SLC22A5: variants seen among roughly 807,000 people sequenced by gnomAD.
SLC22A5 encodes the protein organic cation/carnitine transporter 2.
Under a neutral mutation model 56.7 loss-of-function variants are expected in SLC22A5, and 44 were observed. The ratio of observed to expected loss-of-function variants is 0.78; its 90% CI spans 0.61 to 1.00. The LOEUF (loss-of-function observed/expected upper bound fraction) is 1.00, where lower values mean the gene tolerates loss of function less well. Among genes scored for constraint, SLC22A5 ranks in the 50% least tolerant of loss-of-function variants. The pLI, the probability that SLC22A5 is intolerant of heterozygous loss-of-function variation, is 0.00. For missense variants in SLC22A5, 675 were observed against 723.0 expected, an observed-to-expected ratio of 0.93 and a Z score of 0.76; for synonymous variants, 278 against 292.1, an observed-to-expected ratio of 0.95 and a Z score of 0.49.
At position 132,392,437 on chromosome 5, in the gene SLC22A5, G is replaced by T. The variant is rs756815047; in HGVS notation, c.1272G>T (p.Leu424Phe). Residue 424 changes from leucine to phenylalanine, a missense_variant, in exon 8 of 10, where the codon TTG (leucine) becomes TTT (phenylalanine). Transcript: ENST00000245407. Reference protein sequence around the residue: ...LLFMQLVPPDLYYLATVLVMV... With the variant: ...LLFMQLVPPDFYYLATVLVMV... ...CTCTTTCCTTTGCTTCTCCAGACTT[G>T]TATTATTTGGCTACAGTCCTGGTGA... The T allele has an allele frequency of 1.9e-6, 3 of 1,614,134 alleles. No homozygotes were observed. The highest frequency in any genetic ancestry group is 4.5e-5 in the East Asian group (2 of 44,884).
chr5:132,394,456 C>A lies in SLC22A5; in HGVS notation c.*184C>A. The A allele has an allele frequency of 3.1e-6, 2 of 636,824 alleles. No individual in the cohort carries two copies. Among genetic ancestry groups the A allele is most frequent in the Non-Finnish European group, 5.7e-6 (2 of 353,318 alleles). The allele number at this position is 636,824 out of a possible 1,614,324, so 39.4% of individuals were successfully genotyped here. A position where few individuals can be genotyped will look rare whatever the true frequency, so the allele number is the denominator to read the frequency against. On this transcript the variant is annotated 3_prime_UTR_variant, in exon 10 of 10. Transcript: ENST00000245407. ...GCTACATATGGCCCTAGAGCACCACCTTCCTCTAGGGACACTGGGGCTACC... is the reference window on the plus strand; with the variant it reads ...GCTACATATGGCCCTAGAGCACCACATTCCTCTAGGGACACTGGGGCTACC...
chr5:132,391,514 A>G (rs992530112), intron 7 of SLC22A5, among the ~76,000 whole-genome samples: 1 of 152,220 alleles, frequency 6.6e-6, no homozygotes, highest in African/African-American at 2.4e-5. Context: ...ATAAAGTGAC[A>G]GAAAGCCCTG....
At chr5:132,384,422 C>T in intron 3 of SLC22A5, 121 bp downstream of exon 3, 1 of 1,052,752 alleles carries the variant, frequency 9.5e-7, no homozygotes. Context: ...ACAAAACTAG[C>T]CAGAGCTTCC....
At position 132,390,895 on chromosome 5, in the gene SLC22A5, G is replaced by C. The variant is rs535222699; in HGVS notation, c.1258G>C (p.Val420Leu). 1.1e-5 allele frequency: 17 copies of C among 1,613,656 alleles called. No homozygotes were observed. The highest frequency in any genetic ancestry group is 1.7e-5 in the Admixed American group (1 of 59,986). ...GGSVLLFMQL[V>L]PPDLYYLATV... ...CAGTGTCCTTCTCTTCATGCAGCTG[G>C]TACCCCCAGGTAGGGACCATGTGCA... Residue 420 changes from valine to leucine, a missense_variant, in exon 7 of 10, where the codon GTA (valine) becomes CTA (leucine). By Grantham distance (32) the Val-to-Leu change is conservative (BLOSUM62 1). Coordinates refer to ENST00000245407, the MANE Select transcript of SLC22A5 (RefSeq NM_003060.4).
Position 132,378,546 on chromosome 5 carries a change from C to T in SLC22A5, c.497+65C>T. 4.2e-6 allele frequency: 5 copies of T among 1,187,526 alleles called. No individual in the cohort carries two copies. The South Asian group carries it at 4.8e-5, about 12-fold the overall frequency. The allele number at this position is 1,187,526 out of a possible 1,614,324, so 73.6% of individuals were successfully genotyped here. On this transcript the variant is annotated intron_variant, in intron 2 of 9. Transcript: ENST00000245407. ...ACTGAGGAAGAAGCGTGTGCCTGGCCCTTGATTTCAGTTGGTAGTATTCTT... is the reference window on the plus strand; with the variant it reads ...ACTGAGGAAGAAGCGTGTGCCTGGCTCTTGATTTCAGTTGGTAGTATTCTT...
At chr5:132,377,379 G>C (rs1381148366) in intron 1 of SLC22A5, 1 of 152,224 alleles carries the variant, frequency 6.6e-6, no homozygotes, top group Non-Finnish European at 1.5e-5. Flanking sequence ...GCAAGGGTCT[G>C]AGTTCCTAGG....
chr5:132,387,225 G>GTCC (rs1490079350), intron 5 of SLC22A5, 74 bp downstream of exon 5: 2 of 1,578,000 alleles, frequency 1.3e-6, no homozygotes, highest in Admixed American at 1.7e-5. Context: ...CAGCCCTGAA[G>GTCC]TCCTCCCTGC....
intron 2 of SLC22A5, chr5:132,379,198 T>C (rs1752258928): frequency 6.5e-6 from 1 of 153,988 alleles, no homozygotes; most frequent in Non-Finnish European, 1.4e-5. Flanking sequence ...GAGAGGTCCG[T>C]AGCTTTCATG....
intron 2 of SLC22A5, chr5:132,382,997 A>C (rs1307390397): frequency 1.3e-5 from 2 of 152,200 alleles, no homozygotes; most frequent in African/African-American, 4.8e-5. Flanking sequence ...AATAAACCCA[A>C]TTTTAAAAAC....
intron 1 of SLC22A5, 114 bp downstream of exon 1, chr5:132,370,479 C>G (rs1055895592): frequency 9.7e-6 from 12 of 1,234,742 alleles, no homozygotes; most frequent in African/African-American, 3.0e-5. Flanking sequence ...TCCCCCTCCC[C>G]CAACGGTCAA....
chr5:132,372,834 G>T (rs531803779), intron 1 of SLC22A5, among the ~76,000 whole-genome samples: 1 of 152,220 alleles, frequency 6.6e-6, no homozygotes, highest in East Asian at 1.9e-4. Context: ...CCCAAACCTG[G>T]CCTGCTGACC....
chr5:132,385,661 CA>C (rs776202745), intron 4 of SLC22A5, among the ~76,000 whole-genome samples, 162 bp downstream of exon 4: 38 of 152,216 alleles, frequency 2.5e-4, no homozygotes, highest in South Asian at 8.3e-4. Flanking sequence ...TCAAAAGAGC[CA>C]AAACAAAACA....
chr5:132,376,361 C>T (rs1752138854), intron 1 of SLC22A5: 2 of 152,230 alleles, frequency 1.3e-5, no homozygotes, highest in Non-Finnish European at 2.9e-5. Flanking sequence ...TACACACCTG[C>T]CTAGACTAAG....
chr5:132,369,760 G>A lies in SLC22A5; in HGVS notation c.-213G>A, dbSNP rs1489176832. 6 of 572,242 alleles carry A rather than the reference G, an allele frequency of 1.0e-5. 1 individual carries two copies. The highest frequency in any genetic ancestry group is 8.3e-5 in the South Asian group (3 of 36,252). The allele number at this position is 572,242 out of a possible 1,614,324, so 35.4% of individuals were successfully genotyped here. A position where few individuals can be genotyped will look rare whatever the true frequency, so the allele number is the denominator to read the frequency against. On this transcript the variant is annotated 5_prime_UTR_variant, in exon 1 of 10. Transcript: ENST00000245407. ...CCAGCGGGGCGCGCCTTGCGGCCCAGGCCCGCAACCTTCCCTGGTCGTGCG... is the reference window on the plus strand; with the variant it reads ...CCAGCGGGGCGCGCCTTGCGGCCCAAGCCCGCAACCTTCCCTGGTCGTGCG...
Position 132,390,910 on chromosome 5 carries a change from G to T in SLC22A5, c.1267+6G>T. ...CATGCAGCTGGTACCCCCAGGTAGG[G>T]ACCATGTGCATCTATGGTTTGGGGT... On this transcript the variant is annotated splice_donor_region_variant and intron_variant, in intron 7 of 9. Coordinates refer to ENST00000245407, the MANE Select transcript of SLC22A5 (RefSeq NM_003060.4). The T allele has an allele frequency of 1.2e-6, 2 of 1,611,094 alleles. No homozygotes were observed. Among genetic ancestry groups the T allele is most frequent in the South Asian group, 2.2e-5 (2 of 90,944 alleles).
intron 2 of SLC22A5, chr5:132,383,777 C>A: frequency 3.8e-6 from 1 of 264,046 alleles, no homozygotes; most frequent in South Asian, 4.7e-5. Flanking sequence ...CTTTATTTGC[C>A]AGTTTTCATT....
intron 1 of SLC22A5, among the ~76,000 whole-genome samples, chr5:132,371,966 G>T (rs1380959684): frequency 6.6e-6 from 1 of 152,156 alleles, no homozygotes; most frequent in Non-Finnish European, 1.5e-5. Flanking sequence ...TACCCTGGGA[G>T]ATCCAAGTGT....
At chr5:132,378,164 C>A in intron 1 of SLC22A5, 1 of 1,574,620 alleles carries the variant, frequency 6.4e-7, no homozygotes, top group Non-Finnish European at 8.6e-7. Flanking sequence ...AAAATGGAAG[C>A]AAGACAGTGG....
intron 1 of SLC22A5, among the ~76,000 whole-genome samples, chr5:132,375,924 A>G (rs1334010570): frequency 1.3e-5 from 2 of 152,214 alleles, no homozygotes; most frequent in Non-Finnish European, 2.9e-5. Context: ...AGTATAGCCC[A>G]TCCCATGTGC....
Sources: allele counts gnomAD v4.1 joint callset (sites outside exome capture counted in the v4.1 genomes callset), GRCh38; gene constraint gnomAD v4.1.1; transcripts MANE v1.5; gene names NCBI Gene and HGNC (gene_info 2026-07-23, HGNC 2026-07-21).